SLC47A1: variants seen among roughly 807,000 people sequenced by gnomAD.
SLC47A1 encodes the protein multidrug and toxin extrusion protein 1.
A neutral mutation model predicts 65.8 loss-of-function variants in SLC47A1; 58 were observed. The observed-to-expected ratio is 0.88, with a 90% CI of 0.71 to 1.10. SLC47A1 has a LOEUF of 1.10. Ranked by LOEUF, SLC47A1 falls within the 50% of genes least tolerant of loss-of-function variation. The probability of loss-of-function intolerance (pLI) is 0.00; values close to 1 mark genes in which losing one functional copy is unlikely to be tolerated. For synonymous variants in SLC47A1, 285 were observed against 295.0 expected, an observed-to-expected ratio of 0.97 and a Z score of 0.35; for missense variants, 706 against 719.2, an observed-to-expected ratio of 0.98 and a Z score of 0.21.
intron 12 of SLC47A1, among the ~76,000 whole-genome samples, chr17:19,563,905 C>T (rs1028193148): frequency 1.3e-5 from 2 of 151,996 alleles, no homozygotes; most frequent in East Asian, 1.9e-4. Flanking sequence ...AGGAGAATGG[C>T]GTGAACCCGG....
At chr17:19,568,651 AT>A (rs1228057878) in intron 14 of SLC47A1, among the ~76,000 whole-genome samples, 2 of 152,116 alleles carry the variant, frequency 1.3e-5, no homozygotes, top group Non-Finnish European at 2.9e-5. Context: ...ATCACCACTT[AT>A]TTTTTATGGT....
At chr17:19,548,600 A>G (rs1037069494) in intron 4 of SLC47A1, among the ~76,000 whole-genome samples, 15 of 151,544 alleles carry the variant, frequency 9.9e-5, no homozygotes, top group Admixed American at 9.9e-4. Context: ...CCTGGGTTCA[A>G]GCAATTCTCC....
At chr17:19,552,335 A>C (rs1386837185) in intron 6 of SLC47A1, among the ~76,000 whole-genome samples, 2 of 152,218 alleles carry the variant, frequency 1.3e-5, no homozygotes, top group Non-Finnish European at 2.9e-5. Context: ...GAGCCACTGC[A>C]TCCGGCCAGG....
chr17:19,558,747 A>T (rs2084284543), intron 10 of SLC47A1, among the ~76,000 whole-genome samples: 1 of 152,136 alleles, frequency 6.6e-6, no homozygotes, highest in African/African-American at 2.4e-5. Context: ...CCCTGCCAGT[A>T]TTAACTTTGA....
Position 19,567,226 on chromosome 17 carries a change from T to C in SLC47A1, c.1307T>C (p.Met436Thr), listed in dbSNP as rs1460942884. ...ATGTTTGCAACCACACTTGGAGTGA[T>C]GGGTAAGCTCTAACCTCTGCAGGCA... ...ALMFATTLGV[M>T]GLWSGIIICT... The change falls in exon 14 of 17, where the codon ATG becomes ACG. Residue 436 changes from methionine (M) to threonine (T), a missense_variant and splice_region_variant. Transcript: ENST00000270570. 1 of 1,614,198 alleles carries C rather than the reference T, an allele frequency of 6.2e-7. No individual in the cohort carries two copies. The highest frequency in any genetic ancestry group is 1.7e-5 in the Admixed American group (1 of 60,024).
intron 12 of SLC47A1, among the ~76,000 whole-genome samples, chr17:19,563,992 CAA>C (rs58025430): frequency 1.4e-5 from 2 of 147,282 alleles, no homozygotes; most frequent in Non-Finnish European, 3.0e-5. Flanking sequence ...CCGTCTCAGA[CAA>C]AAAAAAAATG....
intron 10 of SLC47A1, among the ~76,000 whole-genome samples, chr17:19,559,302 T>C (rs1239502065): frequency 6.6e-6 from 1 of 152,206 alleles, no homozygotes; most frequent in Admixed American, 6.5e-5. Context: ...CAGGGTTGTT[T>C]CCCTGCAGTT....
At chr17:19,562,195 T>C (rs1247059607) in intron 12 of SLC47A1, among the ~76,000 whole-genome samples, 1 of 152,220 alleles carries the variant, frequency 6.6e-6, no homozygotes, top group Non-Finnish European at 1.5e-5. Flanking sequence ...CATGGTTTAT[T>C]CTTCACACAT....
At position 19,542,461 on chromosome 17, in the gene SLC47A1, G is replaced by C; in HGVS notation, c.204G>C (p.Lys68Asn). The change falls in exon 2 of 17, where the codon AAG (lysine) becomes AAC (asparagine). Residue 68 changes from lysine (K) to asparagine (N), a missense_variant. Physicochemically the swap from Lys to Asn is moderately conservative, Grantham distance 94 (BLOSUM62 0). Transcript: ENST00000270570. ...CCGTGTTCTGTGGCCACCTGGGCAA[G>C]CTGGAGCTGGATGCAGTCACGCTGG... ...ISSVFCGHLG[K>N]LELDAVTLAI... is the part of the protein sequence containing the mutation. The C allele has an allele frequency of 6.2e-7, 1 of 1,612,816 alleles. No homozygotes were observed. The highest frequency in any genetic ancestry group is 8.5e-7 in the Non-Finnish European group (1 of 1,179,538).
At chr17:19,566,445 T>A (rs551444930) in intron 12 of SLC47A1, among the ~76,000 whole-genome samples, 67 of 152,182 alleles carry the variant, frequency 4.4e-4, no homozygotes, top group Non-Finnish European at 7.5e-4. Context: ...CTTTTTTTTT[T>A]AAGACAGTCT....
chr17:19,550,115 TTTTG>T (rs541002675), intron 5 of SLC47A1, among the ~76,000 whole-genome samples: 3 of 152,178 alleles, frequency 2.0e-5, no homozygotes, highest in Non-Finnish European at 2.9e-5. Context: ...TAAGTGGTTT[TTTTG>T]TTTGTTTGTT....
chr17:19,575,168 T>C (rs1022884069), intron 16 of SLC47A1, among the ~76,000 whole-genome samples: 25 of 147,532 alleles, frequency 1.7e-4, no homozygotes, highest in African/African-American at 6.2e-4. Context: ...CCTCCTGGGC[T>C]CAAGCAACCT....
chr17:19,577,230 C>A lies in SLC47A1; in HGVS notation c.1487-97C>A. On this transcript the variant is annotated intron_variant, in intron 16 of 16. Coordinates refer to ENST00000270570, the MANE Select transcript of SLC47A1 (RefSeq NM_018242.3). ...AGCAATAGTGTCCTGAATTAACTTT[C>A]TCTCCACTATTAGCACATATTCCTT... The A allele has an allele frequency of 3.4e-6, 5 of 1,492,232 alleles. No homozygotes were observed. In the South Asian group the frequency reaches 5.3e-5, roughly 16 times the overall value. The allele number at this position is 1,492,232 out of a possible 1,614,324, so 92.4% of individuals were successfully genotyped here. A position where few individuals can be genotyped will look rare whatever the true frequency, so the allele number is the denominator to read the frequency against.
chr17:19,573,097 G>A (rs1167900260), intron 16 of SLC47A1, among the ~76,000 whole-genome samples: 2 of 152,182 alleles, frequency 1.3e-5, no homozygotes, highest in African/African-American at 4.8e-5. Flanking sequence ...CCTAATTTCT[G>A]CAAGCACTTT....
intron 12 of SLC47A1, 42 bp downstream of exon 12, chr17:19,560,535 A>G (rs1555625996): frequency 6.3e-7 from 1 of 1,593,788 alleles, no homozygotes; most frequent in East Asian, 2.2e-5. Context: ...TCTGTGATAA[A>G]GAAATGGTTC....
chr17:19,568,534 A>G (rs2084376953), intron 14 of SLC47A1, among the ~76,000 whole-genome samples: 1 of 152,200 alleles, frequency 6.6e-6, no homozygotes, highest in African/African-American at 2.4e-5. Flanking sequence ...ATATCTTTTA[A>G]ACTTTAAATT....
intron 6 of SLC47A1, among the ~76,000 whole-genome samples, chr17:19,553,689 G>A (rs1916519438): frequency 2.0e-5 from 3 of 151,878 alleles, no homozygotes; most frequent in African/African-American, 7.3e-5. Context: ...CTACAGGCGC[G>A]TGCCACCACG....
rs1915920390 is a variant in SLC47A1, at chr17:19,534,048, G to A, written c.109G>A (p.Ala37Thr). ...RLSAFREELR[A>T]LLVLAGPAFL... is the part of the protein sequence containing the mutation. ...GTCCGCCTTCCGAGAAGAGCTGCGG[G>A]CGCTCTTGGTCCTGGCTGGCCCCGC... The change falls in exon 1 of 17, where the codon GCG (alanine) becomes ACG (threonine). Residue 37 changes from alanine to threonine, a missense_variant. Transcript: ENST00000270570. 1.3e-6 allele frequency: 2 copies of A among 1,547,326 alleles called. No homozygotes were observed. The highest frequency in any genetic ancestry group is 1.7e-6 in the Non-Finnish European group (2 of 1,147,470).
At chr17:19,538,757 T>C (rs1161173246) in intron 1 of SLC47A1, among the ~76,000 whole-genome samples, 4 of 152,190 alleles carry the variant, frequency 2.6e-5, no homozygotes, top group Non-Finnish European at 5.9e-5. Flanking sequence ...GTGAGTGAAC[T>C]TTCAGCAATC....
Sources: gnomAD v4.1 joint callset for allele counts (sites outside exome capture counted in the v4.1 genomes callset) on GRCh38, gnomAD v4.1.1 for gene constraint, MANE v1.5 for transcripts, NCBI Gene and HGNC (gene_info 2026-07-23, HGNC 2026-07-21) for gene names.